Variants in LTB observed in about 807,000 individuals in gnomAD.
LTB encodes the protein lymphotoxin-beta.
In LTB, 17 loss-of-function variants were observed where a neutral mutation model predicts 14.7. That is an observed-to-expected ratio of 1.16 (90% CI 0.79 to 1.73). The LOEUF (loss-of-function observed/expected upper bound fraction) is 1.73. LTB is among the 40% of genes most tolerant of loss of function. LTB has a pLI of 0.00. For synonymous variants in LTB, 163 were observed against 157.3 expected (o/e 1.04, Z -0.27); for missense variants, 288 against 324.3 (o/e 0.89, Z 0.86).
In LTB at chr6:31,581,563, G is replaced by A; in HGVS notation, c.276C>T (p.Leu92=). ...DLSPGLPAAH[L]IGAPLKGQGL... ...TCAGGTCTTGGAGGTCCTTACCTAT[G>A]AGGTGGGCAGCTGGGAGCCCGGGGC... Residue 92 remains leucine, a synonymous_variant, in exon 3 of 4, where the codon CTC becomes CTT. Coordinates refer to ENST00000429299, the MANE Select transcript of LTB (RefSeq NM_002341.2). 3.1e-6 allele frequency: 5 copies of A among 1,612,906 alleles called. No individual in the cohort carries two copies. The highest frequency in any genetic ancestry group is 4.2e-6 in the Non-Finnish European group (5 of 1,179,918).
At position 31,581,805 on chromosome 6, in the gene LTB, T is replaced by G; in HGVS notation, c.208+9A>C. 6.2e-7 allele frequency: 1 copy of G among 1,612,018 alleles called. No individual in the cohort carries two copies. Among genetic ancestry groups the G allele is most frequent in the Non-Finnish European group, 8.5e-7 (1 of 1,179,566 alleles). On this transcript the variant is annotated intron_variant, in intron 2 of 3. Coordinates refer to ENST00000429299, the MANE Select transcript of LTB (RefSeq NM_002341.2). ...CTGAAGCGGGGAAGGAGAGACAGTC[T>G]GCTCTTACCCAGTCCTTGCTGGGCC...
chr6:31,582,280 T>G lies in LTB; in HGVS notation c.138A>C (p.Leu46Phe). The G allele has an allele frequency of 6.2e-7, 1 of 1,612,952 alleles. No homozygotes were observed. Among genetic ancestry groups the G allele is most frequent in the Non-Finnish European group, 8.5e-7 (1 of 1,179,980 alleles). Residue 46 changes from leucine (L) to phenylalanine (F), a missense_variant, in exon 1 of 4, where the codon TTA becomes TTC. By Grantham distance (22) the Leu-to-Phe change is conservative. Coordinates refer to ENST00000429299, the MANE Select transcript of LTB (RefSeq NM_002341.2). ...CCAGTCCTCCCTGATCCTGGGGCAC[T>G]AAGGCCAGCACAGCCAGGACAGTGA... ...VPITVLAVLA[L>F]VPQDQGGLVT...
Position 31,580,983 on chromosome 6 carries a change from C to A in LTB, c.461G>T (p.Gly154Val). 1 of 1,563,376 alleles carries A rather than the reference C, an allele frequency of 6.4e-7. No individual in the cohort carries two copies. Among genetic ancestry groups the A allele is most frequent in the African/African-American group, 1.4e-5 (1 of 73,726 alleles). The change falls in exon 4 of 4, where the codon GGC becomes GTC. Residue 154 changes from glycine (G) to valine (V), a missense_variant. By Grantham distance (109) the Gly-to-Val change is moderately radical. This residue lies in a region of LTB where 284 missense variants were observed against 299.2 expected (regional missense o/e 0.95). Coordinates refer to ENST00000429299, the MANE Select transcript of LTB (RefSeq NM_002341.2). The surrounding 1 kb of genome is among the most constrained non-coding windows in gnomAD (Gnocchi z 6.6). ...AGAGCTGCGCAGCGTGACCGAGCGG[C>A]CCTGGGGGTCCCCGCCGCCAGGGGG... ...RAPPGGGDPQ[G>V]RSVTLRSSLY... is the part of the protein sequence containing the mutation.
At position 31,581,584 on chromosome 6, in the gene LTB, G is replaced by A. The variant is rs758551748; in HGVS notation, c.255C>T (p.Pro85=). 11 of 1,612,902 alleles carry A rather than the reference G, an allele frequency of 6.8e-6. No individual in the cohort carries two copies. The highest frequency in any genetic ancestry group is 9.3e-6 in the Non-Finnish European group (11 of 1,179,974). Residue 85 remains proline, a synonymous_variant, in exon 3 of 4, where the codon CCC becomes CCT. Coordinates refer to ENST00000429299, the MANE Select transcript of LTB (RefSeq NM_002341.2). The part of the protein sequence containing the change: ...PEEEPETDLS[P]GLPAAHLIGA... ...CTATGAGGTGGGCAGCTGGGAGCCC[G>A]GGGCTGAGATCTGTTTCTGGCTCCT...
rs976672880 is a variant in LTB at position 31,582,338 on chromosome 6, G to C, written c.80C>G (p.Thr27Ser). ...GSLLLAVAGA[T>S]SLVTLLLAVP... ...CGCCAGCAACAAGGTCACCAGAGAA[G>C]TGGCTCCTGCCACAGCTAGCAGGAG... The change falls in exon 1 of 4, where the codon ACT becomes AGT. Residue 27 changes from threonine (T) to serine (S), a missense_variant. Thr to Ser is a moderately conservative substitution (Grantham distance 58, BLOSUM62 1). Around this residue, in one of 2 missense-constraint regions of LTB, gnomAD observed 284 missense variants for 299.2 expected, o/e 0.95. Coordinates refer to ENST00000429299, the MANE Select transcript of LTB (RefSeq NM_002341.2). 6.2e-7 allele frequency: 1 copy of C among 1,612,910 alleles called. No homozygotes were observed. The highest frequency in any genetic ancestry group is 1.7e-5 in the Admixed American group (1 of 60,020).
In LTB at chr6:31,580,820, G is replaced by A. The variant is rs1771428841; in HGVS notation, c.624C>T (p.Gly208=). 6.2e-7 allele frequency: 1 copy of A among 1,612,642 alleles called. No individual in the cohort carries two copies. The highest frequency in any genetic ancestry group is 8.5e-7 in the Non-Finnish European group (1 of 1,179,850). The change falls in exon 4 of 4, where the codon GGC becomes GGT. Residue 208 remains glycine (G), a synonymous_variant. Coordinates refer to ENST00000429299, the MANE Select transcript of LTB (RefSeq NM_002341.2). This position sits in a 1 kb window ranked among gnomAD's most constrained non-coding sequence, Gnocchi z 6.6. ...CGCCCCTCCGGAGCTGCACCAGGCC[G>A]CCGAACCCCACGCTCGTGTACCAGA... ...GPLWYTSVGF[G]GLVQLRRGER...
chr6:31,581,569 G>A lies in LTB; in HGVS notation c.270C>T (p.Ala90=), dbSNP rs1319045090. 1.2e-6 allele frequency: 2 copies of A among 1,612,948 alleles called. No individual in the cohort carries two copies. Among genetic ancestry groups the A allele is most frequent in the South Asian group, 2.2e-5 (2 of 91,086 alleles). Reference sequence around the variant, plus strand: ...CTTGGAGGTCCTTACCTATGAGGTGGGCAGCTGGGAGCCCGGGGCTGAGAT... The same window carrying A: ...CTTGGAGGTCCTTACCTATGAGGTGAGCAGCTGGGAGCCCGGGGCTGAGAT... ...ETDLSPGLPA[A]HLIGAPLKGQ... The change falls in exon 3 of 4, where the codon GCC becomes GCT. Residue 90 remains alanine, a synonymous_variant. Transcript: ENST00000429299.
intron 1 of LTB, 132 bp downstream of exon 1, chr6:31,582,124 G>C (rs530635529): frequency 9.3e-7 from 1 of 1,071,564 alleles, no homozygotes. Flanking sequence ...AGTCAGCAAA[G>C]AGACAAGACA....
At chr6:31,582,235 G>A (rs763660526) in intron 1 of LTB, 21 bp downstream of exon 1, 1 of 1,611,740 alleles carries the variant, frequency 6.2e-7, no homozygotes, top group Non-Finnish European at 8.5e-7. Context: ...CTCTCCACCA[G>A]GGCCTGTTGC....
At chr6:31,581,758 G>A (rs1223709178) in intron 2 of LTB, 56 bp downstream of exon 2, 2 of 1,609,052 alleles carry the variant, frequency 1.2e-6, no homozygotes, top group African/African-American at 1.3e-5. Context: ...GACGCAGCAG[G>A]GAGCTGGGAG....
Position 31,581,862 on chromosome 6 carries a change from G to C in LTB, c.163-3C>G. The C allele has an allele frequency of 6.3e-7, 1 of 1,585,560 alleles. No individual in the cohort carries two copies. Among genetic ancestry groups the C allele is most frequent in the Non-Finnish European group, 8.6e-7 (1 of 1,167,944 alleles). Reference sequence around the variant, plus strand: ...CCGGGGTCGGCCGTCTCCGTTACCTGGTTGGGTGGGGTCACAGTGCCCAGA... The same window carrying C: ...CCGGGGTCGGCCGTCTCCGTTACCTCGTTGGGTGGGGTCACAGTGCCCAGA... On this transcript the variant is annotated splice_region_variant and splice_polypyrimidine_tract_variant and intron_variant, in intron 1 of 3. Transcript: ENST00000429299.
rs536733696 is a variant in LTB, at chr6:31,581,879, G to A, written c.163-20C>T. ...CGTTACCTGGTTGGGTGGGGTCACAGTGCCCAGAGTTCAGATTCAGCTCAT... is the reference window on the plus strand; with the variant it reads ...CGTTACCTGGTTGGGTGGGGTCACAATGCCCAGAGTTCAGATTCAGCTCAT... On this transcript the variant is annotated intron_variant, in intron 1 of 3. Coordinates refer to ENST00000429299, the MANE Select transcript of LTB (RefSeq NM_002341.2). 1.5e-5 allele frequency: 23 copies of A among 1,567,728 alleles called. No homozygotes were observed. Among genetic ancestry groups the A allele is most frequent in the Middle Eastern group, 3.4e-4 (2 of 5,824 alleles).
At chr6:31,581,937 C>T (rs1771562669) in intron 1 of LTB, 78 bp from the exon 2 acceptor site, 6 of 1,429,308 alleles carry the variant, frequency 4.2e-6, no homozygotes, top group African/African-American at 2.9e-5. Context: ...TGGACCCAAG[C>T]TGCAGGCCTG....
At chr6:31,581,736 G>A in intron 2 of LTB, 78 bp downstream of exon 2, 1 of 1,601,734 alleles carries the variant, frequency 6.2e-7, no homozygotes, top group Non-Finnish European at 8.5e-7. Context: ...CCTAGAGGAA[G>A]AGGTATCTGG....
intron 1 of LTB, 151 bp downstream of exon 1, chr6:31,582,105 T>G (rs1771584725): frequency 3.2e-6 from 3 of 942,886 alleles, no homozygotes; most frequent in African/African-American, 1.6e-5. Context: ...CACAGGAACA[T>G]GGAAAGAGAG....
rs1771605843 is a variant in LTB, at chr6:31,582,286, C to T, written c.132G>A (p.Leu44=). ...CTCCCTGATCCTGGGGCACTAAGGC[C>T]AGCACAGCCAGGACAGTGATAGGCA... ...LAVPITVLAV[L]ALVPQDQGGL... is the part of the protein sequence containing the mutation. The change falls in exon 1 of 4, where the codon CTG becomes CTA. Residue 44 remains leucine, a synonymous_variant. Coordinates refer to ENST00000429299, the MANE Select transcript of LTB (RefSeq NM_002341.2). 6.2e-7 allele frequency: 1 copy of T among 1,613,008 alleles called. No individual in the cohort carries two copies. The highest frequency in any genetic ancestry group is 1.3e-5 in the African/African-American group (1 of 75,026).
At chr6:31,581,504 A>G in intron 3 of LTB, 55 bp downstream of exon 3, 2 of 1,524,336 alleles carry the variant, frequency 1.3e-6, no homozygotes, top group Non-Finnish European at 1.8e-6. Context: ...CTGGGCGAGC[A>G]GAACTGGAAC....
chr6:31,582,225 C>A, intron 1 of LTB, 31 bp downstream of exon 1: 1 of 1,610,248 alleles, frequency 6.2e-7, no homozygotes, highest in Non-Finnish European at 8.5e-7. Context: ...CAAGATACAA[C>A]TCTCCACCAG....
intron 3 of LTB, 90 bp from the exon 4 acceptor site, chr6:31,581,253 A>G (rs1355687401): frequency 2.4e-6 from 3 of 1,271,388 alleles, no homozygotes; most frequent in Non-Finnish European, 2.2e-6. Context: ...CCCCTGCGGG[A>G]GCCGAGCCGG....
Sources: gnomAD v4.1 joint callset for allele counts on GRCh38, gnomAD v4.1.1 for gene constraint, gnomAD v4.1.1 regional missense constraint, Gnocchi (gnomAD v3.1) non-coding constraint, MANE v1.5 for transcripts, NCBI Gene and HGNC (gene_info 2026-07-23, HGNC 2026-07-21) for gene names.